The following ADRA1A variants were observed in gnomAD, a reference collection of about 807,000 sequenced individuals.
The protein encoded by ADRA1A is adrenoceptor alpha 1A, also known as alpha-1A adrenergic receptor.
ADRA1A carries 31 observed loss-of-function variants against 29.6 expected under a neutral mutation model. That is an observed-to-expected ratio of 1.05 (90% confidence interval 0.79 to 1.41). The LOEUF (loss-of-function observed/expected upper bound fraction) is 1.41, where lower values mean the gene tolerates loss of function less well. Ranked by LOEUF, ADRA1A falls within the 40% of genes most tolerant of loss-of-function variation. The probability of loss-of-function intolerance (pLI) is 0.00; values close to 1 mark genes in which losing one functional copy is unlikely to be tolerated. For synonymous variants in ADRA1A, 311 were observed against 254.3 expected, an observed-to-expected ratio of 1.22 and a Z score of -2.12; for missense variants, 619 against 601.1, an observed-to-expected ratio of 1.03 and a Z score of -0.31.
At chr8:26,847,680 G>A (rs975938528) in intron 2 of ADRA1A, among the ~76,000 whole-genome samples, 2 of 152,350 alleles carry the variant, frequency 1.3e-5, no homozygotes, top group African/African-American at 4.8e-5. Flanking sequence ...TGCTCTGCCA[G>A]CATTCCAGTA....
At chr8:26,849,286 A>G (rs552537658) in intron 2 of ADRA1A, among the ~76,000 whole-genome samples, 1 of 152,340 alleles carries the variant, frequency 6.6e-6, no homozygotes, top group South Asian at 2.1e-4. Context: ...AGAAACTGCG[A>G]CACACACAGG....
chr8:26,751,950 T>C (rs1214506718), downstream of ADRA1A, among the ~76,000 whole-genome samples: 1 of 152,214 alleles, frequency 6.6e-6, no homozygotes, highest in Non-Finnish European at 1.5e-5. Flanking sequence ...TCTTGAGAGC[T>C]GACTGTGCAC....
At chr8:26,792,110 G>A (rs1807879943) in intron 2 of ADRA1A, among the ~76,000 whole-genome samples, 1 of 152,110 alleles carries the variant, frequency 6.6e-6, no homozygotes. Context: ...CATATGAAAG[G>A]AAAGCTACAA....
intron 2 of ADRA1A, chr8:26,771,819 T>C (rs7842829): frequency 0.54 from 83,151 of 153,144 alleles, 24,071 homozygotes; most frequent in East Asian, 0.9. Flanking sequence ...TCGCCTGCAC[T>C]GACTCAGCCC....
downstream of ADRA1A, among the ~76,000 whole-genome samples, chr8:26,761,095 T>C (rs953075961): frequency 5.3e-5 from 8 of 152,212 alleles, no homozygotes; most frequent in Non-Finnish European, 1.5e-5. Flanking sequence ...TCTCCTCTAG[T>C]TGAGAAGACA....
rs116090983 is a variant in ADRA1A at position 26,801,978 on chromosome 8, G to A, written c.884-31312C>T. 7.7e-3 allele frequency among the ~76,000 whole-genome samples: 1,178 copies of A among 152,190 alleles called. 19 individuals are homozygous for A. The highest frequency in any genetic ancestry group is 0.026 in the African/African-American group (1,098 of 41,548). On this transcript the variant is annotated intron_variant, in intron 2 of 2. Coordinates refer to ENST00000380573, the MANE Select transcript of ADRA1A (RefSeq NM_000680.4). ...AACTCATTTTTGACAAAGGTGCCAC[G>A]AATATACACTGGGGAACGAACACTC...
At position 26,865,672 on chromosome 8, in the gene ADRA1A, A is replaced by G; in HGVS notation, c.-686-17T>C. On this transcript the variant is annotated splice_polypyrimidine_tract_variant and intron_variant, in intron 1 of 2. Transcript: ENST00000380573. This position sits in a 1 kb window ranked among gnomAD's most constrained non-coding sequence, Gnocchi z 7.6. The stretch of plus-strand genomic sequence containing the variant: ...CGCGTCCACCTGAAAGAGCGCAAAG[A>G]GAAAGGCGGCTTTGAGCTAGGCGCC... 1 of 986,126 alleles carries G rather than the reference A, an allele frequency of 1.0e-6. No homozygotes were observed. Among genetic ancestry groups the G allele is most frequent in the Non-Finnish European group, 1.2e-6 (1 of 830,542 alleles). 61.1% of individuals were successfully genotyped at this position (986,126 alleles called of 1,614,324 possible).
At chr8:26,810,053 T>C (rs1364734699) in intron 2 of ADRA1A, among the ~76,000 whole-genome samples, 1 of 152,220 alleles carries the variant, frequency 6.6e-6, no homozygotes, top group Non-Finnish European at 1.5e-5. Context: ...CTGCCCTTAT[T>C]ACTTCCTGCC....
intron 2 of ADRA1A, among the ~76,000 whole-genome samples, chr8:26,858,632 A>C (rs1813213218): frequency 6.6e-6 from 1 of 152,210 alleles, no homozygotes; most frequent in African/African-American, 2.4e-5. Context: ...GATGATTCAT[A>C]GGCTTTAGAT....
rs962992466 is a variant in ADRA1A, at chr8:26,866,854, G to A, written c.-687+82C>T. The A allele has an allele frequency of 1.2e-5, 12 of 985,432 alleles. No homozygotes were observed. The African/African-American group carries it at 1.2e-4, about 10-fold the overall frequency. The allele number at this position is 985,432 out of a possible 1,614,324, so 61.0% of individuals were successfully genotyped here. A position where few individuals can be genotyped will look rare whatever the true frequency, so the allele number is the denominator to read the frequency against. On this transcript the variant is annotated intron_variant, in intron 1 of 2. Transcript: ENST00000380573. The surrounding 1 kb of genome is among the most constrained non-coding windows in gnomAD (Gnocchi z 5.7). ...AAAAGCGGGAGGCGCTGGGAAAAGT[G>A]GGGGTTCCGTCTCACCAGACGGCGG...
At position 26,864,750 on chromosome 8, in the gene ADRA1A, G is replaced by A. The variant is rs151278551; in HGVS notation, c.220C>T (p.Leu74=). 2 of 1,614,048 alleles carry A rather than the reference G, an allele frequency of 1.2e-6. No individual in the cohort carries two copies. The highest frequency in any genetic ancestry group is 2.7e-5 in the African/African-American group (2 of 74,922). The change falls in exon 2 of 3, where the codon CTG becomes TTG. Residue 74 remains leucine (L), a synonymous_variant. Transcript: ENST00000380573. This position sits in a 1 kb window ranked among gnomAD's most constrained non-coding sequence, Gnocchi z 8.1. ...YIVNLAVADL[L]LTSTVLPFSA... Reference sequence around the variant, plus strand: ...AAGGGCAGCACCGTGGAGGTGAGCAGGAGGTCGGCCACCGCCAGGTTGACG... The same window carrying A: ...AAGGGCAGCACCGTGGAGGTGAGCAAGAGGTCGGCCACCGCCAGGTTGACG...
In ADRA1A at chr8:26,865,554, C is replaced by T. The variant is rs1160912764; in HGVS notation, c.-585G>A. The T allele has an allele frequency of 1.0e-6, 1 of 992,678 alleles. No homozygotes were observed. Among genetic ancestry groups the T allele is most frequent in the Non-Finnish European group, 1.2e-6 (1 of 834,358 alleles). The allele number at this position is 992,678 out of a possible 1,614,324, so 61.5% of individuals were successfully genotyped here. ...ACATTTTGAGCTGCCCCACCGAAGG[C>T]TCCTGCTCTCTCCAGCTTCTAGGAG... On this transcript the variant is annotated 5_prime_UTR_variant, in exon 2 of 3. Transcript: ENST00000380573. This position sits in a 1 kb window ranked among gnomAD's most constrained non-coding sequence, Gnocchi z 7.6.
Position 26,865,051 on chromosome 8 carries a change from G to C in ADRA1A, c.-82C>G. On this transcript the variant is annotated 5_prime_UTR_variant, in exon 2 of 3. Coordinates refer to ENST00000380573, the MANE Select transcript of ADRA1A (RefSeq NM_000680.4). The surrounding 1 kb of genome is among the most constrained non-coding windows in gnomAD (Gnocchi z 7.6). ...GCGGAGGCGGGAGCGCGGGAGCCGG[G>C]AATCAAAAGGTCTCGGCTGGAGGGA... 1.3e-6 allele frequency: 2 copies of C among 1,517,644 alleles called. No homozygotes were observed. Among genetic ancestry groups the C allele is most frequent in the Middle Eastern group, 1.9e-4 (1 of 5,290 alleles). 94.0% of individuals were successfully genotyped at this position (1,517,644 alleles called of 1,614,324 possible). A position where few individuals can be genotyped will look rare whatever the true frequency, so the allele number is the denominator to read the frequency against.
chr8:26,788,934 A>G (rs1234475595), intron 2 of ADRA1A, among the ~76,000 whole-genome samples: 2 of 152,142 alleles, frequency 1.3e-5, no homozygotes, highest in Admixed American at 6.6e-5. Flanking sequence ...GGTTAAAAAT[A>G]TATATTTTTA....
In ADRA1A at chr8:26,775,579, C is replaced by A. The variant is rs1669188701; in HGVS notation, c.884-4913G>T. 6.6e-6 allele frequency among the ~76,000 whole-genome samples: 1 copy of A among 152,192 alleles called. No homozygotes were observed. The highest frequency in any genetic ancestry group is 2.1e-4 in the South Asian group (1 of 4,820). ...CAATCTCTGCTTCAAGAAGAGCCAA[C>A]AGCTCCTGACTTAATCCCCTGAACA... On this transcript the variant is annotated intron_variant, in intron 2 of 2. Transcript: ENST00000380573. The surrounding 1 kb of genome is among the most constrained non-coding windows in gnomAD (Gnocchi z 4.1).
chr8:26,760,645 T>A (rs1049886132), intron 2 of ADRA1A, among the ~76,000 whole-genome samples: 1 of 152,140 alleles, frequency 6.6e-6, no homozygotes, highest in Non-Finnish European at 1.5e-5. Flanking sequence ...ATGCCCCAGT[T>A]CCCAAGATTG....
At chr8:26,837,605 G>A (rs1431511844) in intron 2 of ADRA1A, among the ~76,000 whole-genome samples, 1 of 150,088 alleles carries the variant, frequency 6.7e-6, no homozygotes, top group Non-Finnish European at 1.5e-5. Flanking sequence ...GAGCCAAGAT[G>A]GCACCATTGC....
rs891389320 is a variant in ADRA1A at position 26,860,034 on chromosome 8, T to C, written c.883+4053A>G. On this transcript the variant is annotated intron_variant, in intron 2 of 2. Coordinates refer to ENST00000380573, the MANE Select transcript of ADRA1A (RefSeq NM_000680.4). This position sits in a 1 kb window ranked among gnomAD's most constrained non-coding sequence, Gnocchi z 4.7. ...CCGCCTGCTCAGCCTCCCAAAGTGC[T>C]GGGATTAGAGGCATGAGCCACCGCG... 3.3e-5 allele frequency among the ~76,000 whole-genome samples: 5 copies of C among 152,156 alleles called. No individual in the cohort carries two copies. The highest frequency in any genetic ancestry group is 1.2e-4 in the African/African-American group (5 of 41,416).
At chr8:26,753,371 C>T (rs552118488), downstream of ADRA1A, among the ~76,000 whole-genome samples, 8 of 152,086 alleles carry the variant, frequency 5.3e-5, no homozygotes, top group South Asian at 2.1e-4. Flanking sequence ...GGTCCTTGCC[C>T]GTATCTTGAA....
Sources: allele counts gnomAD v4.1 joint callset (sites outside exome capture counted in the v4.1 genomes callset), GRCh38; gene constraint gnomAD v4.1.1; non-coding constraint Gnocchi (gnomAD v3.1); transcripts MANE v1.5; gene names NCBI Gene and HGNC (gene_info 2026-07-23, HGNC 2026-07-21).